ARL15: variants seen among roughly 807,000 people sequenced by gnomAD.
The protein encoded by ARL15 is ARF like GTPase 15, also known as ADP-ribosylation factor-like protein 15.
A neutral mutation model predicts 25.2 loss-of-function variants in ARL15; 19 were observed. The ratio of observed to expected loss-of-function variants is 0.75; its 90% CI spans 0.53 to 1.10. The LOEUF is 1.10. ARL15 is among the 50% of genes least tolerant of loss of function. The pLI is 0.00. For missense variants in ARL15, 220 were observed against 246.0 expected (o/e 0.89, Z 0.71); for synonymous variants, 94 against 86.8 (o/e 1.08, Z -0.46).
At chr5:53,976,943 A>G (rs1277455338) in intron 4 of ARL15, among the ~76,000 whole-genome samples, 3 of 152,290 alleles carry the variant, frequency 2.0e-5, no homozygotes, top group South Asian at 4.1e-4. Context: ...GTTGTATTTC[A>G]TTTGTTCTTG....
intron 3 of ARL15, among the ~76,000 whole-genome samples, chr5:54,154,112 C>T (rs1034023468): frequency 3.3e-5 from 5 of 152,088 alleles, no homozygotes; most frequent in African/African-American, 1.2e-4. Flanking sequence ...ACAGCCTATC[C>T]GATAAATGTG....
chr5:54,252,283 T>A (rs1452283517), intron 1 of ARL15, among the ~76,000 whole-genome samples: 1 of 152,232 alleles, frequency 6.6e-6, no homozygotes, highest in East Asian at 1.9e-4. Flanking sequence ...ATTTTCTTTA[T>A]GGAAGAGACT....
chr5:54,058,750 T>G (rs111376690), intron 4 of ARL15, among the ~76,000 whole-genome samples: 1 of 152,176 alleles, frequency 6.6e-6, no homozygotes, highest in Non-Finnish European at 1.5e-5. Context: ...CCAGATCAGA[T>G]AGAGCTTTTG....
intron 4 of ARL15, among the ~76,000 whole-genome samples, chr5:54,032,514 C>T (rs185903253): frequency 1.6e-4 from 24 of 152,008 alleles, no homozygotes; most frequent in East Asian, 7.7e-4. Flanking sequence ...GGATTACAGG[C>T]GTGAGCCACT....
chr5:53,911,707 C>T (rs557437398), intron 4 of ARL15, among the ~76,000 whole-genome samples: 1 of 152,028 alleles, frequency 6.6e-6, no homozygotes, highest in Non-Finnish European at 1.5e-5. Context: ...TCCCCCAAGA[C>T]CCCAAGTCTA....
chr5:54,155,958 T>C (rs1487579354), intron 2 of ARL15, among the ~76,000 whole-genome samples: 1 of 152,190 alleles, frequency 6.6e-6, no homozygotes, highest in Admixed American at 6.5e-5. Context: ...TTATTTAATA[T>C]GTATAATTTT....
At chr5:54,101,221 TA>T (rs943975144) in intron 4 of ARL15, among the ~76,000 whole-genome samples, 2 of 152,106 alleles carry the variant, frequency 1.3e-5, no homozygotes, top group Admixed American at 6.6e-5. Context: ...TTTAACATCT[TA>T]AAAATATGAT....
chr5:54,278,401 C>T (rs1757975339), intron 1 of ARL15, among the ~76,000 whole-genome samples: 1 of 152,142 alleles, frequency 6.6e-6, no homozygotes, highest in East Asian at 1.9e-4. Flanking sequence ...AATTTACGTC[C>T]CCTCCTTCCT....
At chr5:54,056,060 T>C (rs1352163220) in intron 4 of ARL15, among the ~76,000 whole-genome samples, 2 of 152,166 alleles carry the variant, frequency 1.3e-5, no homozygotes, top group African/African-American at 2.4e-5. Flanking sequence ...AAAAGGAGTA[T>C]GCATACTGTA....
rs755598601 is a variant in ARL15 at position 53,951,617 on chromosome 5, TTACTCCTTCCCTATA to T, written c.463-64919_463-64905del. On this transcript the variant is annotated intron_variant, in intron 4 of 4. Coordinates refer to ENST00000504924, the MANE Select transcript of ARL15 (RefSeq NM_019087.3). ...CACATAACTTTTTGGAAAACCTTAC[TTACTCCTTCCCTATA>T]TACTCCTTCCCTATATATTTTCGAT... 168 of 463,976 alleles carry T rather than the reference TTACTCCTTCCCTATA, an allele frequency of 3.6e-4. 1 individual carries two copies. Among genetic ancestry groups the T allele is most frequent in the African/African-American group, 1.6e-3 (77 of 49,238 alleles). 28.7% of individuals were successfully genotyped at this position (463,976 alleles called of 1,614,324 possible). A position where few individuals can be genotyped will look rare whatever the true frequency, so the allele number is the denominator to read the frequency against.
chr5:53,915,181 C>G (rs1745598953), intron 4 of ARL15, among the ~76,000 whole-genome samples: 1 of 152,220 alleles, frequency 6.6e-6, no homozygotes, highest in Admixed American at 6.5e-5. Flanking sequence ...ATGCTGGGCA[C>G]AGAGCTGACC....
intron 3 of ARL15, among the ~76,000 whole-genome samples, chr5:54,151,552 G>A (rs1234579802): frequency 2.0e-5 from 3 of 152,056 alleles, no homozygotes; most frequent in African/African-American, 7.2e-5. Flanking sequence ...CACATGAAAA[G>A]AAATTGATGT....
intron 4 of ARL15, among the ~76,000 whole-genome samples, chr5:53,966,207 A>G (rs1163535424): frequency 6.6e-6 from 1 of 152,138 alleles, no homozygotes; most frequent in African/African-American, 2.4e-5. Flanking sequence ...AATGGTTTAA[A>G]CAATCATTCC....
At chr5:54,221,771 A>T (rs1399609597) in intron 1 of ARL15, among the ~76,000 whole-genome samples, 1 of 152,020 alleles carries the variant, frequency 6.6e-6, no homozygotes, top group African/African-American at 2.4e-5. Context: ...ACAGGACCAA[A>T]AAAAAGTCAT....
chr5:54,036,725 ATTATAT>A (rs1004213309), intron 4 of ARL15, among the ~76,000 whole-genome samples: 4 of 152,224 alleles, frequency 2.6e-5, no homozygotes, highest in Non-Finnish European at 5.9e-5. Flanking sequence ...TTCAGAATCA[ATTATAT>A]TTATGACTAA....
intron 4 of ARL15, among the ~76,000 whole-genome samples, chr5:53,975,256 C>A (rs976487008): frequency 6.6e-6 from 1 of 152,166 alleles, no homozygotes; most frequent in Non-Finnish European, 1.5e-5. Flanking sequence ...TCTGAGGGAT[C>A]CCCCAGCAGC....
At position 54,044,967 on chromosome 5, in the gene ARL15, C is replaced by T. The variant is rs548255627; in HGVS notation, c.462+68235G>A. On this transcript the variant is annotated intron_variant, in intron 4 of 4. Transcript: ENST00000504924. ...CATGATTTCAGCAAGCCAAATTTCA[C>T]ACTACACATTTTAGAAGTTTCTTCA... Among the ~76,000 whole-genome samples, 3 of 152,286 alleles carry T rather than the reference C, an allele frequency of 2.0e-5. No homozygotes were observed. In the South Asian group the frequency reaches 6.2e-4, roughly 32 times the overall value.
rs113766847 is a variant in ARL15, at chr5:54,046,514, A to G, written c.462+66688T>C. 5.3e-3 allele frequency among the ~76,000 whole-genome samples: 815 copies of G among 152,348 alleles called. 5 individuals carry two copies. The highest frequency in any genetic ancestry group is 9.0e-3 in the Non-Finnish European group (612 of 68,034). ...TAAGCAGAGAGAGAGAGAGACAGAA[A>G]ATAAAAATAGAATGAAAGTGTTTGA... is the stretch of plus-strand genomic sequence containing the variant. On this transcript the variant is annotated intron_variant, in intron 4 of 4. Coordinates refer to ENST00000504924, the MANE Select transcript of ARL15 (RefSeq NM_019087.3).
intron 4 of ARL15, 92 bp from the exon 5 acceptor site, chr5:53,886,805 G>T: frequency 8.0e-7 from 1 of 1,244,888 alleles, no homozygotes; most frequent in Non-Finnish European, 1.1e-6. Context: ...GGGGAATTTC[G>T]AGGCGGAATT....
Sources: allele counts gnomAD v4.1 joint callset (sites outside exome capture counted in the v4.1 genomes callset), GRCh38; gene constraint gnomAD v4.1.1; transcripts MANE v1.5; gene names NCBI Gene and HGNC (gene_info 2026-07-23, HGNC 2026-07-21).